PATJ: variants seen among roughly 807,000 people sequenced by gnomAD.
PATJ encodes the protein inaD-like protein.
In PATJ, 190 loss-of-function variants were observed where a neutral mutation model predicts 224.9. The ratio of observed to expected loss-of-function variants is 0.84; its 90% CI spans 0.75 to 0.95. The LOEUF (loss-of-function observed/expected upper bound fraction) is 0.95, where lower values mean the gene tolerates loss of function less well. PATJ is among the 40% of genes least tolerant of loss of function. The probability of loss-of-function intolerance (pLI) is 0.00; values close to 1 mark genes in which losing one functional copy is unlikely to be tolerated. For missense variants in PATJ, 2,121 were observed against 2,270.3 expected (o/e 0.93, Z 1.34); for synonymous variants, 769 against 820.3 (o/e 0.94, Z 1.07).
intron 11 of PATJ, 145 bp downstream of exon 11, chr1:61,797,573 G>A (rs1651603069): frequency 1.5e-6 from 1 of 671,562 alleles, no homozygotes; most frequent in East Asian, 2.5e-5. Flanking sequence ...CAGCTCATTT[G>A]TTCACTGAAG....
intron 27 of PATJ, among the ~76,000 whole-genome samples, chr1:61,964,226 C>T (rs960482047): frequency 3.6e-4 from 55 of 151,832 alleles, no homozygotes; most frequent in African/African-American, 1.3e-3. Context: ...GGATTACAGG[C>T]GTGCACCACC....
At chr1:61,871,070 GT>G (rs1247341544) in intron 20 of PATJ, among the ~76,000 whole-genome samples, 3 of 78,098 alleles carry the variant, frequency 3.8e-5, no homozygotes, top group South Asian at 4.1e-4. Flanking sequence ...TTTGGTTTTT[GT>G]TTTTTTTGTT....
At chr1:62,124,890 G>T (rs994193557) in intron 39 of PATJ, among the ~76,000 whole-genome samples, 1 of 151,908 alleles carries the variant, frequency 6.6e-6, no homozygotes, top group African/African-American at 2.4e-5. Context: ...TGGTACTTGG[G>T]GCTTCAACAT....
At chr1:62,071,869 C>T (rs1043164383) in intron 31 of PATJ, among the ~76,000 whole-genome samples, 1 of 152,122 alleles carries the variant, frequency 6.6e-6, no homozygotes, top group Non-Finnish European at 1.5e-5. Flanking sequence ...CCCTACCTTC[C>T]AGATCAGCTT....
At chr1:62,055,697 A>G (rs974704338) in intron 31 of PATJ, among the ~76,000 whole-genome samples, 4 of 152,224 alleles carry the variant, frequency 2.6e-5, no homozygotes, top group Admixed American at 2.0e-4. Context: ...GTGAAGCATT[A>G]AGATATAACT....
At chr1:61,885,763 A>G (rs1171848413) in intron 22 of PATJ, among the ~76,000 whole-genome samples, 2 of 151,954 alleles carry the variant, frequency 1.3e-5, no homozygotes, top group East Asian at 1.9e-4. Context: ...AATAGCAAAG[A>G]CTTGGAACCA....
At chr1:61,994,303 T>A (rs1051450198) in intron 28 of PATJ, among the ~76,000 whole-genome samples, 1 of 152,212 alleles carries the variant, frequency 6.6e-6, no homozygotes, top group Non-Finnish European at 1.5e-5. Context: ...TTGTACAGCA[T>A]CAACCTCAGA....
intron 27 of PATJ, among the ~76,000 whole-genome samples, chr1:61,974,405 C>CTTTTTTTTTTTTTTTTTTTTTTTTTT (rs149825131): frequency 1.6e-5 from 1 of 64,240 alleles, no homozygotes; most frequent in Non-Finnish European, 2.7e-5. Context: ...CTCTCTCTCT[C>CTTTTTTTTTTTTTTTTTTTTTTTTTT]TTTTTTTTTT....
chr1:61,765,233 C>G (rs1031019693), intron 3 of PATJ, among the ~76,000 whole-genome samples: 57 of 150,994 alleles, frequency 3.8e-4, no homozygotes, highest in African/African-American at 1.4e-3. Flanking sequence ...TGACACCATG[C>G]CCAGCTAATT....
intron 12 of PATJ, among the ~76,000 whole-genome samples, chr1:61,804,188 T>G (rs2148603341): frequency 6.6e-6 from 1 of 152,312 alleles, no homozygotes; most frequent in Middle Eastern, 3.4e-3. Context: ...GAACTCTTAA[T>G]GTAATTTCTT....
rs916699590 is a variant in PATJ at position 62,159,022 on chromosome 1, A to G, written c.5503-1886A>G. 3.3e-5 allele frequency among the ~76,000 whole-genome samples: 5 copies of G among 152,212 alleles called. No homozygotes were observed. The South Asian group carries it at 1.0e-3, about 31-fold the overall frequency. Reference sequence around the variant, plus strand: ...GCTTAACATAGTTTTTAAAAAATTAATTTACACAGATATCTGAGATTTACT... The same window carrying G: ...GCTTAACATAGTTTTTAAAAAATTAGTTTACACAGATATCTGAGATTTACT... On this transcript the variant is annotated intron_variant, in intron 43 of 43. Coordinates refer to ENST00000642238, the MANE Select transcript of PATJ (RefSeq NM_001350145.3).
chr1:61,798,971 C>A (rs1651908649), intron 11 of PATJ, among the ~76,000 whole-genome samples: 1 of 151,788 alleles, frequency 6.6e-6, no homozygotes, highest in Non-Finnish European at 1.5e-5. Flanking sequence ...TTTTTTTCCT[C>A]TGAAAATATT....
At chr1:62,111,581 G>C (rs749381337) in intron 34 of PATJ, among the ~76,000 whole-genome samples, 1 of 151,898 alleles carries the variant, frequency 6.6e-6, no homozygotes, top group African/African-American at 2.4e-5. Context: ...TTTGGCTTAA[G>C]TAATTTACAC....
chr1:61,929,942 T>C (rs10157471), intron 27 of PATJ, among the ~76,000 whole-genome samples: 7,304 of 152,222 alleles, frequency 0.048, 589 homozygotes, highest in African/African-American at 0.17. Flanking sequence ...GACTCAGCAG[T>C]GTCCTCCCCA....
intron 16 of PATJ, 61 bp downstream of exon 16, chr1:61,827,644 G>C (rs1658514183): frequency 1.3e-6 from 2 of 1,507,818 alleles, no homozygotes; most frequent in Non-Finnish European, 1.8e-6. Context: ...ATGCCCCGAA[G>C]ACTGTGCTGC....
chr1:61,947,129 C>T (rs1678856817), intron 27 of PATJ, among the ~76,000 whole-genome samples: 1 of 152,138 alleles, frequency 6.6e-6, no homozygotes, highest in African/African-American at 2.4e-5. Context: ...TGGGCAAAAA[C>T]TGGAAGCATT....
At chr1:62,133,745 CTT>C (rs113938436) in intron 41 of PATJ, among the ~76,000 whole-genome samples, 25 of 121,146 alleles carry the variant, frequency 2.1e-4, no homozygotes, top group African/African-American at 3.4e-4. Flanking sequence ...CAAGAATTTG[CTT>C]TTTTTTTTTT....
At chr1:61,813,836 A>T (rs969866616) in intron 14 of PATJ, among the ~76,000 whole-genome samples, 1 of 152,152 alleles carries the variant, frequency 6.6e-6, no homozygotes, top group Non-Finnish European at 1.5e-5. Flanking sequence ...TCTAAATAAT[A>T]TGAACAATAA....
Position 61,745,851 on chromosome 1 carries a change from G to A in PATJ, c.-36+3296G>A, listed in dbSNP as rs542827434. Among the ~76,000 whole-genome samples, 8 of 152,000 alleles carry A rather than the reference G, an allele frequency of 5.3e-5. No homozygotes were observed. The East Asian group carries it at 9.7e-4, about 18-fold the overall frequency. On this transcript the variant is annotated intron_variant, in intron 1 of 43. Coordinates refer to ENST00000642238, the MANE Select transcript of PATJ (RefSeq NM_001350145.3). ...ACTCCTGACCTCAGGCGATCCACCC[G>A]CCTTGGACTCCCAAAGTGCTGGGAT... is the stretch of plus-strand genomic sequence containing the variant.
Sources: gnomAD v4.1 joint callset for allele counts (sites outside exome capture counted in the v4.1 genomes callset) on GRCh38, gnomAD v4.1.1 for gene constraint, MANE v1.5 for transcripts, NCBI Gene and HGNC (gene_info 2026-07-23, HGNC 2026-07-21) for gene names.